DEFB125: variants seen among roughly 807,000 people sequenced by gnomAD.
The protein encoded by DEFB125 is beta-defensin 125.
In DEFB125, 11 loss-of-function variants were observed where a neutral mutation model predicts 11.8. The ratio of observed to expected loss-of-function variants is 0.94; its 90% CI spans 0.59 to 1.55. The LOEUF is 1.55. DEFB125 is among the 40% of genes most tolerant of loss of function. DEFB125 has a pLI of 0.00. For synonymous variants in DEFB125, 79 were observed against 66.7 expected (o/e 1.18, Z -0.90); for missense variants, 198 against 191.2 (o/e 1.04, Z -0.21).
In DEFB125 at chr20:96,000, TA is replaced by T. The variant is rs758251612; in HGVS notation, c.59-4del. The T allele has an allele frequency of 4.4e-6, 7 of 1,592,144 alleles. No homozygotes were observed. In the East Asian group the frequency reaches 1.3e-4, roughly 31 times the overall value. On this transcript the variant is annotated splice_polypyrimidine_tract_variant and splice_region_variant and intron_variant, in intron 1 of 1. Coordinates refer to ENST00000382410, the MANE Select transcript of DEFB125 (RefSeq NM_153325.4). Reference sequence around the variant, plus strand: ...AAAATTTGACCTATATTTTATTCTCTACAGGTAGCTTTGAACCCCAAAAATG... The same window carrying T: ...AAAATTTGACCTATATTTTATTCTCTCAGGTAGCTTTGAACCCCAAAAATG...
At chr20:89,947 T>C (rs2054490329) in intron 1 of DEFB125, among the ~76,000 whole-genome samples, 1 of 152,300 alleles carries the variant, frequency 6.6e-6, no homozygotes, top group South Asian at 2.1e-4. Flanking sequence ...AGCTATTTAG[T>C]CTCTCTGGGC....
At chr20:90,673 C>T (rs1408457879) in intron 1 of DEFB125, among the ~76,000 whole-genome samples, 1 of 152,142 alleles carries the variant, frequency 6.6e-6, no homozygotes, top group Non-Finnish European at 1.5e-5. Flanking sequence ...CTCACCTGGC[C>T]CTGCAGGATC....
chr20:88,817 A>G (rs1464455758), intron 1 of DEFB125, among the ~76,000 whole-genome samples: 2 of 150,492 alleles, frequency 1.3e-5, no homozygotes, highest in Admixed American at 6.7e-5. Flanking sequence ...TTCAGCAAGA[A>G]AAATTTGTAA....
At position 87,675 on chromosome 20, in the gene DEFB125, C is replaced by T; in HGVS notation, c.-35C>T. On this transcript the variant is annotated 5_prime_UTR_variant, in exon 1 of 2. Transcript: ENST00000382410. Reference sequence around the variant, plus strand: ...TCCTTGCTGTGCAGTGTTCTGTATTCCTCAGGACACAGAGCTTCCTCTCTC... The same window carrying T: ...TCCTTGCTGTGCAGTGTTCTGTATTTCTCAGGACACAGAGCTTCCTCTCTC... 6 of 1,608,530 alleles carry T rather than the reference C, an allele frequency of 3.7e-6. No individual in the cohort carries two copies. Among genetic ancestry groups the T allele is most frequent in the Non-Finnish European group, 5.1e-6 (6 of 1,175,220 alleles).
Sources: gnomAD v4.1 joint callset for allele counts (sites outside exome capture counted in the v4.1 genomes callset) on GRCh38, gnomAD v4.1.1 for gene constraint, MANE v1.5 for transcripts, NCBI Gene and HGNC (gene_info 2026-07-23, HGNC 2026-07-21) for gene names.